Variants in ID4 observed in about 807,000 individuals in gnomAD.
ID4 encodes inhibitor of DNA binding 4, also known as DNA-binding protein inhibitor ID-4.
ID4 carries 9 observed loss-of-function variants against 8.6 expected under a neutral mutation model. That is an observed-to-expected ratio of 1.04 (90% confidence interval 0.63 to 1.82). The LOEUF (loss-of-function observed/expected upper bound fraction) is 1.82. Ranked by LOEUF, ID4 falls within the 40% of genes most tolerant of loss-of-function variation. The pLI, the probability that ID4 is intolerant of heterozygous loss-of-function variation, is 0.00. For missense variants in ID4, 270 were observed against 235.1 expected, an observed-to-expected ratio of 1.15 and a Z score of -0.97; for synonymous variants, 180 against 118.0, an observed-to-expected ratio of 1.53 and a Z score of -3.41.
Position 19,838,060 on chromosome 6 carries a change from G to A in ID4, c.306G>A (p.Leu102=). The change falls in exon 1 of 3, where the codon CTG becomes CTA. Residue 102 remains leucine, a synonymous_variant. Transcript: ENST00000378700. ...EILQHVIDYI[L]DLQLALETHP... The stretch of plus-strand genomic sequence containing the variant: ...TGCAGCACGTTATCGACTACATCCT[G>A]GACCTGCAGCTGGCGCTGGAGACGC... The A allele has an allele frequency of 6.2e-7, 1 of 1,607,238 alleles. No homozygotes were observed. The highest frequency in any genetic ancestry group is 2.2e-5 in the East Asian group (1 of 44,504).
rs762784912 is a variant in ID4, at chr6:19,838,087, C to A, written c.333C>A (p.His111Gln). Reference sequence around the variant, plus strand: ...ACCTGCAGCTGGCGCTGGAGACGCACCCGGCCCTGCTGAGGCAGCCACCAC... The same window carrying A: ...ACCTGCAGCTGGCGCTGGAGACGCAACCGGCCCTGCTGAGGCAGCCACCAC... ...ILDLQLALET[H>Q]PALLRQPPPP... Residue 111 changes from histidine to glutamine, a missense_variant, in exon 1 of 3, where the codon CAC becomes CAA. This residue lies in a region of ID4 where 107 missense variants were observed against 81.0 expected (regional missense o/e 1.32). Transcript: ENST00000378700. The A allele has an allele frequency of 3.1e-6, 5 of 1,604,062 alleles. No homozygotes were observed. Among genetic ancestry groups the A allele is most frequent in the Non-Finnish European group, 8.5e-7 (1 of 1,175,532 alleles).
chr6:19,839,005 A>C (rs577453558), intron 2 of ID4: 2 of 230,416 alleles, frequency 8.7e-6, no homozygotes, highest in South Asian at 1.7e-4. Context: ...GGACGCGGGC[A>C]GGGCGCCGGA....
At chr6:19,839,030 C>T (rs1047280197) in intron 2 of ID4, 180 bp from the exon 3 acceptor site, 30 of 205,938 alleles carry the variant, frequency 1.5e-4, no homozygotes, top group Non-Finnish European at 2.5e-4. Flanking sequence ...GTCCCCTCTC[C>T]GGGCTTCCCG....
At position 19,839,219 on chromosome 6, in the gene ID4, C is replaced by CGCCTGA. The variant is rs1761304683; in HGVS notation, c.*28_*33dup. 1 of 152,734 alleles carries CGCCTGA rather than the reference C, an allele frequency of 6.5e-6. No homozygotes were observed. Among genetic ancestry groups the CGCCTGA allele is most frequent in the African/African-American group, 2.4e-5 (1 of 41,330 alleles). 9.5% of individuals were successfully genotyped at this position (152,734 alleles called of 1,614,324 possible). On this transcript the variant is annotated 3_prime_UTR_variant, in exon 3 of 3. Coordinates refer to ENST00000378700, the MANE Select transcript of ID4 (RefSeq NM_001546.4). Reference sequence around the variant, plus strand: ...CATTCCTCTTCCACAGGTGTGCGGCCGCCTGAGCCCGAGCCAGGAGCACTA... The same window carrying CGCCTGA: ...CATTCCTCTTCCACAGGTGTGCGGCCGCCTGAGCCTGAGCCCGAGCCAGGAGCACTA...
Position 19,838,075 on chromosome 6 carries a change from G to T in ID4, c.321G>T (p.Ala107=), listed in dbSNP as rs1261183369. The T allele has an allele frequency of 6.2e-7, 1 of 1,605,976 alleles. No homozygotes were observed. The change falls in exon 1 of 3, where the codon GCG becomes GCT. Residue 107 remains alanine, a synonymous_variant. Transcript: ENST00000378700. The part of the protein sequence containing the change: ...VIDYILDLQL[A]LETHPALLRQ... ...ACTACATCCTGGACCTGCAGCTGGC[G>T]CTGGAGACGCACCCGGCCCTGCTGA...
rs1207559550 is a variant in ID4, at chr6:19,839,705, GATAA to G, written c.*513_*516del. 5 of 152,408 alleles carry G rather than the reference GATAA, an allele frequency of 3.3e-5. No homozygotes were observed. The highest frequency in any genetic ancestry group is 4.8e-5 in the African/African-American group (2 of 41,332). The allele number at this position is 152,408 out of a possible 1,614,324, so 9.4% of individuals were successfully genotyped here. A position where few individuals can be genotyped will look rare whatever the true frequency, so the allele number is the denominator to read the frequency against. On this transcript the variant is annotated 3_prime_UTR_variant, in exon 3 of 3. Coordinates refer to ENST00000378700, the MANE Select transcript of ID4 (RefSeq NM_001546.4). ...CTGCAAGAATGTTACATATTGTATA[GATAA>G]ATGAGTGACATTTCATACCATGTAT...
rs576603166 is a variant in ID4, at chr6:19,842,024, G to T, written c.*2829G>T. Among the ~76,000 whole-genome samples, 15 of 151,912 alleles carry T rather than the reference G, an allele frequency of 9.9e-5. No individual in the cohort carries two copies. In the South Asian group the frequency reaches 3.1e-3, roughly 32 times the overall value. On this transcript the variant is annotated 3_prime_UTR_variant, in exon 3 of 3. Transcript: ENST00000378700. Reference sequence around the variant, plus strand: ...CATCTCAGACATCTCAATGTTAAAGGAAGAAAAAAAATACCTTTTCATTTC... The same window carrying T: ...CATCTCAGACATCTCAATGTTAAAGTAAGAAAAAAAATACCTTTTCATTTC...
At chr6:19,838,894 C>G (rs1761294064) in intron 2 of ID4, 1 of 550,676 alleles carries the variant, frequency 1.8e-6, no homozygotes, top group African/African-American at 1.9e-5. Flanking sequence ...TTCTGGTGGT[C>G]AGCGGGCTCT....
chr6:19,838,361 G>A (rs1048324955), intron 1 of ID4, among the ~76,000 whole-genome samples, 166 bp downstream of exon 1: 3 of 152,180 alleles, frequency 2.0e-5, no homozygotes, highest in East Asian at 2.0e-4. Context: ...GCAGCCGGCC[G>A]GGCTCGGCGA....
In ID4 at chr6:19,838,617, C is replaced by T. The variant is rs1185235564; in HGVS notation, c.475C>T (p.Leu159=). ...GAVNKQGDSI[L]CR ...GGTGAACAAGCAGGGCGACAGCATT[C>T]TGTGCCGCTGAGCCGCGCTGTCCAG... Residue 159 remains leucine (L), a synonymous_variant, in exon 2 of 3, where the codon CTG becomes TTG. Transcript: ENST00000378700. 4.3e-6 allele frequency: 7 copies of T among 1,613,970 alleles called. No individual in the cohort carries two copies. In the South Asian group the frequency reaches 5.5e-5, roughly 13 times the overall value.
In ID4 at chr6:19,840,955, TCA is replaced by T. The variant is rs1761349327; in HGVS notation, c.*1761_*1762del. 6.6e-6 allele frequency among the ~76,000 whole-genome samples: 1 copy of T among 152,296 alleles called. No homozygotes were observed. Among genetic ancestry groups the T allele is most frequent in the African/African-American group, 2.4e-5 (1 of 41,568 alleles). On this transcript the variant is annotated 3_prime_UTR_variant, in exon 3 of 3. Transcript: ENST00000378700. ...GATTTTTAAAAGGAAAGGATTTGTT[TCA>T]GATTATACAAGAATAAAAGTATTAT...
At chr6:19,838,524 G>C in intron 1 of ID4, 60 bp from the exon 2 acceptor site, 1 of 1,606,492 alleles carries the variant, frequency 6.2e-7, no homozygotes, top group Non-Finnish European at 8.5e-7. Context: ...ATCCAGGACC[G>C]TGTCGAGCGC....
At position 19,839,194 on chromosome 6, in the gene ID4, C is replaced by T. The variant is rs1389819587; in HGVS notation, c.*15-16C>T. On this transcript the variant is annotated splice_polypyrimidine_tract_variant and intron_variant, in intron 2 of 2. Coordinates refer to ENST00000378700, the MANE Select transcript of ID4 (RefSeq NM_001546.4). ...AGAAGGTTCACACACCCCCTCTATT[C>T]ATTCCTCTTCCACAGGTGTGCGGCC... 6.5e-6 allele frequency: 1 copy of T among 154,768 alleles called. No homozygotes were observed. The highest frequency in any genetic ancestry group is 1.9e-4 in the East Asian group (1 of 5,198). 9.6% of individuals were successfully genotyped at this position (154,768 alleles called of 1,614,324 possible).
In ID4 at chr6:19,841,654, C is replaced by T. The variant is rs1761360999; in HGVS notation, c.*2459C>T. On this transcript the variant is annotated 3_prime_UTR_variant, in exon 3 of 3. Transcript: ENST00000378700. ...ACATTTCAAAGAGTTGGCATTTTCC[C>T]TTTGGCCACTCAAGCAGCATTTGAT... Among the ~76,000 whole-genome samples the T allele has an allele frequency of 6.6e-6, 1 of 152,152 alleles. No individual in the cohort carries two copies. The highest frequency in any genetic ancestry group is 1.5e-5 in the Non-Finnish European group (1 of 68,010).
rs1263265395 is a variant in ID4, at chr6:19,838,511, A to G, written c.442-73A>G. ...CGGCGCGCCAGCCTGATTTCCGAGG[A>G]CAATCCAGGACCGTGTCGAGCGCGT... On this transcript the variant is annotated intron_variant, in intron 1 of 2. Transcript: ENST00000378700. 5.7e-6 allele frequency: 9 copies of G among 1,590,654 alleles called. No homozygotes were observed. The African/African-American group carries it at 6.7e-5, about 12-fold the overall frequency.
rs1271501063 is a variant in ID4 at position 19,837,596 on chromosome 6, C to T, written c.-159C>T. ...ATTCCCTCGTAAAACCCAGAGCGAC[C>T]CTCCCGTCAATTGTTGGGCTCGGGA... On this transcript the variant is annotated 5_prime_UTR_variant, in exon 1 of 3. Coordinates refer to ENST00000378700, the MANE Select transcript of ID4 (RefSeq NM_001546.4). 3 of 323,464 alleles carry T rather than the reference C, an allele frequency of 9.3e-6. No homozygotes were observed. Among genetic ancestry groups the T allele is most frequent in the Non-Finnish European group, 1.4e-5 (3 of 206,900 alleles). The allele number at this position is 323,464 out of a possible 1,614,324, so 20.0% of individuals were successfully genotyped here. A position where few individuals can be genotyped will look rare whatever the true frequency, so the allele number is the denominator to read the frequency against.
In ID4 at chr6:19,841,115, C is replaced by T. The variant is rs368314719; in HGVS notation, c.*1920C>T. Among the ~76,000 whole-genome samples, 136 of 152,258 alleles carry T rather than the reference C, an allele frequency of 8.9e-4. 2 individuals are homozygous for T. The South Asian group carries it at 0.023, about 26-fold the overall frequency. On this transcript the variant is annotated 3_prime_UTR_variant, in exon 3 of 3. Coordinates refer to ENST00000378700, the MANE Select transcript of ID4 (RefSeq NM_001546.4). ...AAAACTAATGCTAGCAGGTTAAAAT[C>T]AATCAAAATGTTTAAAAATTGATTC...
Position 19,838,623 on chromosome 6 carries a change from C to G in ID4, c.481C>G (p.Arg161Gly), listed in dbSNP as rs1225006406. 6.2e-7 allele frequency: 1 copy of G among 1,613,750 alleles called. No homozygotes were observed. Among genetic ancestry groups the G allele is most frequent in the Non-Finnish European group, 8.5e-7 (1 of 1,179,884 alleles). ...CAAGCAGGGCGACAGCATTCTGTGC[C>G]GCTGAGCCGCGCTGTCCAGGTGAGC... ...VNKQGDSILC[R>G] Residue 161 changes from arginine to glycine, a missense_variant, in exon 2 of 3, where the codon CGC (arginine) becomes GGC (glycine). Physicochemically the swap from Arg to Gly is moderately radical, Grantham distance 125. Transcript: ENST00000378700.
Position 19,840,667 on chromosome 6 carries a change from A to ACCCT in ID4, c.*1472_*1473insCCCT, listed in dbSNP as rs1761342716. On this transcript the variant is annotated 3_prime_UTR_variant, in exon 3 of 3. Transcript: ENST00000378700. ...AACTTTTACATGTGAATATTAAAGT[A>ACCCT]GATTTCTCTGTCTTGTACTGTGATT... 6.6e-6 allele frequency: 1 copy of ACCCT among 152,460 alleles called. No individual in the cohort carries two copies. The highest frequency in any genetic ancestry group is 1.5e-5 in the Non-Finnish European group (1 of 68,014). The allele number at this position is 152,460 out of a possible 1,614,324, so 9.4% of individuals were successfully genotyped here.
Sources: gnomAD v4.1 joint callset for allele counts (sites outside exome capture counted in the v4.1 genomes callset) on GRCh38, gnomAD v4.1.1 for gene constraint, gnomAD v4.1.1 regional missense constraint, MANE v1.5 for transcripts, NCBI Gene and HGNC (gene_info 2026-07-23, HGNC 2026-07-21) for gene names.